Variants in CPEB4 observed in about 807,000 individuals in gnomAD.
CPEB4 encodes cytoplasmic polyadenylation element-binding protein 4.
CPEB4 carries 12 observed loss-of-function variants against 72.5 expected under a neutral mutation model. That is an observed-to-expected ratio of 0.17 (90% CI 0.11 to 0.27). CPEB4 has a LOEUF of 0.27. Ranked by LOEUF, CPEB4 falls within the 10% of genes least tolerant of loss-of-function variation. The probability of loss-of-function intolerance (pLI) is 1.00; values close to 1 mark genes in which losing one functional copy is unlikely to be tolerated. For missense variants in CPEB4, 614 were observed against 908.5 expected, an observed-to-expected ratio of 0.68 and a Z score of 4.17; for synonymous variants, 302 against 326.3, an observed-to-expected ratio of 0.93 and a Z score of 0.80.
Position 173,900,203 on chromosome 5 carries a change from C to T in CPEB4, c.1125+9345C>T, listed in dbSNP as rs1756176553. On this transcript the variant is annotated intron_variant, in intron 1 of 9. Coordinates refer to ENST00000265085, the MANE Select transcript of CPEB4 (RefSeq NM_030627.4). This position sits in a 1 kb window ranked among gnomAD's most constrained non-coding sequence, Gnocchi z 4.4. ...GGCGGATCACCTGAGGTCGGGAGTTCGAGACCAGCCTGACCAATATGGAGA... is the reference window on the plus strand; with the variant it reads ...GGCGGATCACCTGAGGTCGGGAGTTTGAGACCAGCCTGACCAATATGGAGA... 6.6e-6 allele frequency among the ~76,000 whole-genome samples: 1 copy of T among 151,924 alleles called. No individual in the cohort carries two copies. Among genetic ancestry groups the T allele is most frequent in the Non-Finnish European group, 1.5e-5 (1 of 67,958 alleles).
At chr5:173,930,791 A>C (rs987368550) in intron 2 of CPEB4, among the ~76,000 whole-genome samples, 2 of 152,058 alleles carry the variant, frequency 1.3e-5, no homozygotes, top group Non-Finnish European at 2.9e-5. Flanking sequence ...GATTGAGACC[A>C]TCCTGGCTAA....
rs1353039830 is a variant in CPEB4 at position 173,956,167 on chromosome 5, T to C, written c.*30T>C. The C allele has an allele frequency of 2.6e-6, 4 of 1,559,482 alleles. No homozygotes were observed. The highest frequency in any genetic ancestry group is 2.7e-6 in the Non-Finnish European group (3 of 1,131,270). ...TAACTGCAGTGCTCATTTTCAGGCC[T>C]CAGAATAAGTGCACTCTTCTGTTCA... On this transcript the variant is annotated 3_prime_UTR_variant, in exon 10 of 10. Transcript: ENST00000265085.
Position 173,951,960 on chromosome 5 carries a change from A to T in CPEB4, c.1780+22A>T, listed in dbSNP as rs73808320. Reference sequence around the variant, plus strand: ...GCTGGTATGATTAAACAAACGACAAACTCTCTACCCTATAGCGCAAGAAAT... The same window carrying T: ...GCTGGTATGATTAAACAAACGACAATCTCTCTACCCTATAGCGCAAGAAAT... On this transcript the variant is annotated intron_variant, in intron 8 of 9. Coordinates refer to ENST00000265085, the MANE Select transcript of CPEB4 (RefSeq NM_030627.4). The T allele has an allele frequency of 1.4e-3, 2,019 of 1,439,198 alleles. 14 individuals carry two copies. In the African/African-American group the frequency reaches 0.016, roughly 12 times the overall value. 89.2% of individuals were successfully genotyped at this position (1,439,198 alleles called of 1,614,324 possible).
chr5:173,894,899 G>C (rs1418664710), intron 1 of CPEB4, among the ~76,000 whole-genome samples: 1 of 152,112 alleles, frequency 6.6e-6, no homozygotes, highest in Non-Finnish European at 1.5e-5. Flanking sequence ...GATGATCAAA[G>C]GCTGATTGTA....
intron 1 of CPEB4, among the ~76,000 whole-genome samples, chr5:173,908,196 G>A (rs1360783497): frequency 1.3e-5 from 2 of 152,222 alleles, no homozygotes; most frequent in African/African-American, 2.4e-5. Context: ...ATGAGGAAGT[G>A]TAAACACAGA....
intron 1 of CPEB4, among the ~76,000 whole-genome samples, chr5:173,903,730 A>G (rs1015791429): frequency 6.6e-6 from 1 of 152,240 alleles, no homozygotes; most frequent in Admixed American, 6.5e-5. Flanking sequence ...CAGCAGGTTC[A>G]CGTGCTGCTT....
intron 2 of CPEB4, among the ~76,000 whole-genome samples, chr5:173,926,011 T>C (rs368069681): frequency 5.3e-5 from 8 of 152,226 alleles, no homozygotes; most frequent in Admixed American, 2.6e-4. Context: ...TACTTGTCAC[T>C]TTAGAGTTAT....
intron 3 of CPEB4, among the ~76,000 whole-genome samples, chr5:173,937,358 A>C (rs902514320): frequency 2.0e-5 from 3 of 152,028 alleles, no homozygotes; most frequent in African/African-American, 7.2e-5. Flanking sequence ...TCTCTTAATT[A>C]TAGTTTTTTG....
intron 2 of CPEB4, among the ~76,000 whole-genome samples, chr5:173,919,662 A>C (rs2113203704): frequency 6.6e-6 from 1 of 152,302 alleles, no homozygotes; most frequent in Middle Eastern, 3.4e-3. Flanking sequence ...TATATAATCC[A>C]TGACGATGTT....
intron 2 of CPEB4, among the ~76,000 whole-genome samples, chr5:173,931,187 A>G (rs1311403372): frequency 2.6e-5 from 4 of 152,144 alleles, no homozygotes; most frequent in African/African-American, 9.7e-5. Flanking sequence ...GTTCCTTTCT[A>G]AAGAGTTGTT....
Position 173,956,276 on chromosome 5 carries a change from G to T in CPEB4, c.*139G>T. 1 of 643,918 alleles carries T rather than the reference G, an allele frequency of 1.6e-6. No individual in the cohort carries two copies. Among genetic ancestry groups the T allele is most frequent in the Non-Finnish European group, 2.7e-6 (1 of 369,590 alleles). 39.9% of individuals were successfully genotyped at this position (643,918 alleles called of 1,614,324 possible). ...TTAACTATAGTATAATGAAAAGAAT[G>T]ACCTATAATATAGGTGTTTTGTAGA... is the stretch of plus-strand genomic sequence containing the variant. On this transcript the variant is annotated 3_prime_UTR_variant, in exon 10 of 10. Transcript: ENST00000265085.
At chr5:173,946,343 G>A (rs1345821817) in intron 5 of CPEB4, among the ~76,000 whole-genome samples, 1 of 152,058 alleles carries the variant, frequency 6.6e-6, no homozygotes, top group East Asian at 1.9e-4. Flanking sequence ...CAGGGTTTAT[G>A]GGGGAAAATA....
intron 2 of CPEB4, among the ~76,000 whole-genome samples, chr5:173,923,565 A>T (rs1246270805): frequency 6.6e-6 from 1 of 152,160 alleles, no homozygotes; most frequent in Non-Finnish European, 1.5e-5. Flanking sequence ...CTTGTAACAC[A>T]TGCTTCTTTT....
At chr5:173,946,407 C>T (rs1490094736) in intron 5 of CPEB4, among the ~76,000 whole-genome samples, 1 of 152,158 alleles carries the variant, frequency 6.6e-6, no homozygotes, top group Non-Finnish European at 1.5e-5. Context: ...GAAGCACTAA[C>T]AAGAAGAGAA....
chr5:173,931,423 C>T (rs1309038379), intron 2 of CPEB4, among the ~76,000 whole-genome samples: 2 of 152,168 alleles, frequency 1.3e-5, no homozygotes, highest in African/African-American at 4.8e-5. Context: ...TTCCGAGTCA[C>T]TTTAAAAGTC....
At chr5:173,934,981 T>C (rs1425541229) in intron 3 of CPEB4, among the ~76,000 whole-genome samples, 2 of 152,232 alleles carry the variant, frequency 1.3e-5, no homozygotes, top group Admixed American at 6.5e-5. Flanking sequence ...GGTACCTGTA[T>C]TGCAAATCTG....
chr5:173,925,066 G>A (rs1757196763), intron 2 of CPEB4, among the ~76,000 whole-genome samples: 1 of 152,176 alleles, frequency 6.6e-6, no homozygotes, highest in Non-Finnish European at 1.5e-5. Context: ...GGAGGCTTGA[G>A]TGGTAAGACA....
intron 5 of CPEB4, among the ~76,000 whole-genome samples, chr5:173,947,999 G>A (rs367808683): frequency 6.6e-6 from 1 of 152,058 alleles, no homozygotes; most frequent in Non-Finnish European, 1.5e-5. Context: ...TAAGGGACAC[G>A]CAGGACAAAA....
chr5:173,952,415 C>A (rs1758242988), intron 8 of CPEB4, among the ~76,000 whole-genome samples: 1 of 152,120 alleles, frequency 6.6e-6, no homozygotes, highest in Non-Finnish European at 1.5e-5. Context: ...GACTTCCCAG[C>A]AATGCATCAG....
Sources: gnomAD v4.1 joint callset for allele counts (sites outside exome capture counted in the v4.1 genomes callset) on GRCh38, gnomAD v4.1.1 for gene constraint, Gnocchi (gnomAD v3.1) non-coding constraint, MANE v1.5 for transcripts, NCBI Gene and HGNC (gene_info 2026-07-23, HGNC 2026-07-21) for gene names.